The following ABCA13 variants were observed in gnomAD, a reference collection of about 807,000 sequenced individuals.
ABCA13 encodes ATP-binding cassette sub-family A member 13.
ABCA13 carries 476 observed loss-of-function variants against 478.7 expected under a neutral mutation model. That is an observed-to-expected ratio of 0.99 (90% CI 0.92 to 1.07). ABCA13 has a LOEUF of 1.07. Ranked by LOEUF, ABCA13 falls within the 50% of genes least tolerant of loss-of-function variation. The probability of loss-of-function intolerance (pLI) is 0.00; values close to 1 mark genes in which losing one functional copy is unlikely to be tolerated. For missense variants in ABCA13, 6,060 were observed against 5,910.6 expected (o/e 1.03, Z -0.83); for synonymous variants, 2,252 against 2,158.9 (o/e 1.04, Z -1.20).
intron 10 of ABCA13, among the ~76,000 whole-genome samples, chr7:48,241,742 T>C (rs1790862082): frequency 6.6e-6 from 1 of 152,254 alleles, no homozygotes; most frequent in African/African-American, 2.4e-5. Context: ...TTGCTCTCTG[T>C]GTACCATGAA....
At chr7:48,463,172 T>G (rs1286112981) in intron 43 of ABCA13, among the ~76,000 whole-genome samples, 2 of 152,206 alleles carry the variant, frequency 1.3e-5, no homozygotes, top group Non-Finnish European at 2.9e-5. Flanking sequence ...AGCACCTTTA[T>G]TTTTCATAAA....
At chr7:48,260,176 A>G (rs192816224) in intron 15 of ABCA13, among the ~76,000 whole-genome samples, 1 of 152,200 alleles carries the variant, frequency 6.6e-6, no homozygotes, top group Non-Finnish European at 1.5e-5. Flanking sequence ...TGTGGAGGAA[A>G]GAAGACAATC....
At chr7:48,257,273 C>T (rs759648800) in intron 15 of ABCA13, among the ~76,000 whole-genome samples, 1 of 152,070 alleles carries the variant, frequency 6.6e-6, no homozygotes, top group Non-Finnish European at 1.5e-5. Context: ...TCCTCTCTTC[C>T]TGTTTGGCTG....
rs188208880 is a variant in ABCA13 at position 48,604,396 on chromosome 7, C to G, written c.14744+9583C>G. Among the ~76,000 whole-genome samples, 56 of 152,308 alleles carry G rather than the reference C, an allele frequency of 3.7e-4. 1 individual carries two copies. The highest frequency in any genetic ancestry group is 1.2e-3 in the African/African-American group (51 of 41,542). On this transcript the variant is annotated intron_variant, in intron 58 of 61. Transcript: ENST00000435803. ...GCTATAAATTTCCCTCTACACACGG[C>G]TTTAAATGTGTCCCAGAGATTCTGG...
At chr7:48,474,419 A>ATG (rs1419753694) in intron 45 of ABCA13, among the ~76,000 whole-genome samples, 2 of 152,168 alleles carry the variant, frequency 1.3e-5, no homozygotes, top group Admixed American at 6.5e-5. Context: ...AAATTAGATG[A>ATG]TTCTCCTGGA....
At chr7:48,470,960 A>G (rs925468837) in intron 44 of ABCA13, among the ~76,000 whole-genome samples, 2 of 152,334 alleles carry the variant, frequency 1.3e-5, no homozygotes, top group East Asian at 3.9e-4. Flanking sequence ...AAAATATTTT[A>G]AAGTATGGGA....
At chr7:48,201,473 G>A (rs1234689755) in intron 3 of ABCA13, among the ~76,000 whole-genome samples, 16 of 152,172 alleles carry the variant, frequency 1.1e-4, no homozygotes, top group African/African-American at 3.6e-4. Context: ...TGGCATCCCA[G>A]CACTTTGGGA....
intron 27 of ABCA13, among the ~76,000 whole-genome samples, chr7:48,328,144 G>A (rs1363283183): frequency 6.6e-6 from 1 of 152,212 alleles, no homozygotes; most frequent in Non-Finnish European, 1.5e-5. Flanking sequence ...AGCTGCCCAA[G>A]CCTGGAGTCT....
chr7:48,352,255 T>C lies in ABCA13; in HGVS notation c.10456T>C (p.Tyr3486His). The C allele has an allele frequency of 6.2e-7, 1 of 1,613,760 alleles. No homozygotes were observed. Among genetic ancestry groups the C allele is most frequent in the Non-Finnish European group, 8.5e-7 (1 of 1,179,828 alleles). Residue 3486 changes from tyrosine to histidine, a missense_variant, in exon 31 of 62, where the codon TAC (tyrosine) becomes CAC (histidine). By Grantham distance (83) the Tyr-to-His change is moderately conservative. Transcript: ENST00000435803. ...TGTCAAACTGCCACCCCATGTCTCA[T>C]ACACAATCCGGACCAATGTGTTATA... ...ESVKLPPHVS[Y>H]TIRTNVLYSV...
intron 23 of ABCA13, among the ~76,000 whole-genome samples, chr7:48,308,665 T>C (rs1278642422): frequency 6.6e-6 from 1 of 152,098 alleles, no homozygotes; most frequent in African/African-American, 2.4e-5. Context: ...CCACCGTATA[T>C]GTGGTTTGTC....
intron 59 of ABCA13, among the ~76,000 whole-genome samples, chr7:48,620,389 C>T (rs937858707): frequency 6.6e-6 from 1 of 152,162 alleles, no homozygotes; most frequent in Non-Finnish European, 1.5e-5. Flanking sequence ...CCTTGAGCAA[C>T]CCTCGGCTTC....
chr7:48,297,926 C>T lies in ABCA13; in HGVS notation c.9200-440C>T, dbSNP rs113619312. Among the ~76,000 whole-genome samples the T allele has an allele frequency of 6.0e-3, 901 of 150,276 alleles. 12 individuals carry two copies. Among genetic ancestry groups the T allele is most frequent in the African/African-American group, 0.021 (856 of 40,936 alleles). On this transcript the variant is annotated intron_variant, in intron 22 of 61. Transcript: ENST00000435803. ...AGTAGCTGGGATTACAGGGATGTGCCACCATGCCCGGCTATTTTTTTTTTT... is the reference window on the plus strand; with the variant it reads ...AGTAGCTGGGATTACAGGGATGTGCTACCATGCCCGGCTATTTTTTTTTTT...
At chr7:48,396,730 G>T (rs573252572) in intron 38 of ABCA13, among the ~76,000 whole-genome samples, 90 of 152,290 alleles carry the variant, frequency 5.9e-4, no homozygotes, top group African/African-American at 2.0e-3. Flanking sequence ...CTCTCCCTGG[G>T]GTTAGTGAAT....
chr7:48,457,092 A>C (rs532100708), intron 43 of ABCA13, among the ~76,000 whole-genome samples: 1 of 152,272 alleles, frequency 6.6e-6, no homozygotes, highest in South Asian at 2.1e-4. Context: ...AGAACAAACC[A>C]AAACCCCTAG....
chr7:48,275,337 C>T lies in ABCA13; in HGVS notation c.5671C>T (p.His1891Tyr), dbSNP rs375381413. ...EITRKVVCII[H>Y]ELVDWNSILL... ...AACTAGGAAAGTGGTCTGCATAATT[C>T]ATGAATTAGTGGACTGGAATTCTAT... The change falls in exon 17 of 62, where the codon CAT becomes TAT. Residue 1891 changes from histidine to tyrosine, a missense_variant. This residue lies in a region of ABCA13 where 4,423 missense variants were observed against 4,309.1 expected (regional missense o/e 1.03). Transcript: ENST00000435803. 55 of 1,613,808 alleles carry T rather than the reference C, an allele frequency of 3.4e-5. No homozygotes were observed. Among genetic ancestry groups the T allele is most frequent in the Non-Finnish European group, 4.3e-5 (51 of 1,179,878 alleles).
intron 38 of ABCA13, among the ~76,000 whole-genome samples, chr7:48,402,372 C>A (rs1321289419): frequency 1.3e-5 from 2 of 152,318 alleles, no homozygotes; most frequent in African/African-American, 4.8e-5. Context: ...AGATTGGAAT[C>A]TCGCAGCTGG....
chr7:48,525,804 G>A lies in ABCA13; in HGVS notation c.14244+1364G>A, dbSNP rs116015810. Among the ~76,000 whole-genome samples the A allele has an allele frequency of 6.2e-3, 936 of 150,008 alleles. 9 individuals are homozygous for A. The highest frequency in any genetic ancestry group is 0.022 in the African/African-American group (893 of 40,964). On this transcript the variant is annotated intron_variant, in intron 54 of 61. Coordinates refer to ENST00000435803, the MANE Select transcript of ABCA13 (RefSeq NM_152701.5). Reference sequence around the variant, plus strand: ...AGGTTTGTTACATAGTTGTAAATGTGTGCTGTGGTGGTTTGCTGCACCTCT... The same window carrying A: ...AGGTTTGTTACATAGTTGTAAATGTATGCTGTGGTGGTTTGCTGCACCTCT...
intron 31 of ABCA13, among the ~76,000 whole-genome samples, chr7:48,360,032 C>CTTTTA (rs761776805): frequency 6.6e-6 from 1 of 151,896 alleles, no homozygotes; most frequent in East Asian, 1.9e-4. Flanking sequence ...TTTGTTTTTA[C>CTTTTA]TTTTATTTTA....
Position 48,397,371 on chromosome 7 carries a change from G to GT in ABCA13, c.11873+5239dup, listed in dbSNP as rs559684464. 8.5e-3 allele frequency among the ~76,000 whole-genome samples: 1,289 copies of GT among 151,746 alleles called. 7 individuals carry two copies. Among genetic ancestry groups the GT allele is most frequent in the South Asian group, 0.029 (139 of 4,816 alleles). ...CTGAACAAGATAAGCCAAATGAATG[G>GT]TTTTTTTCTTACTGAATTCTTATAC... On this transcript the variant is annotated intron_variant, in intron 38 of 61. Transcript: ENST00000435803.
Sources: allele counts gnomAD v4.1 joint callset (sites outside exome capture counted in the v4.1 genomes callset), GRCh38; gene constraint gnomAD v4.1.1; regional missense constraint gnomAD v4.1.1; transcripts MANE v1.5; gene names NCBI Gene and HGNC (gene_info 2026-07-23, HGNC 2026-07-21).